The following PCDHGA2 variants were observed in gnomAD, a reference collection of about 807,000 sequenced individuals.
The protein encoded by PCDHGA2 is protocadherin gamma subfamily A, 2.
PCDHGA2 carries 40 observed loss-of-function variants against 59.2 expected under a neutral mutation model. That is an observed-to-expected ratio of 0.68 (90% confidence interval 0.52 to 0.88). The LOEUF (loss-of-function observed/expected upper bound fraction) is 0.88, where lower values mean the gene tolerates loss of function less well. Ranked by LOEUF, PCDHGA2 falls within the 40% of genes least tolerant of loss-of-function variation. The pLI is 0.00. For missense variants in PCDHGA2, 1,226 were observed against 1,204.0 expected (o/e 1.02, Z -0.27); for synonymous variants, 560 against 526.0 (o/e 1.06, Z -0.89).
At chr5:141,412,938 T>C (rs2095590973) in intron 1 of PCDHGA2, 3 of 461,786 alleles carry the variant, frequency 6.5e-6, no homozygotes, top group Admixed American at 7.7e-5. Context: ...TTCTTAGGAC[T>C]CTGAGCGCCG....
At chr5:141,445,070 A>G (rs185808898) in intron 1 of PCDHGA2, among the ~76,000 whole-genome samples, 30 of 152,306 alleles carry the variant, frequency 2.0e-4, no homozygotes, top group African/African-American at 7.2e-4. Context: ...TATATTTCTC[A>G]TTAAATTGTC....
At chr5:141,405,029 C>T in intron 1 of PCDHGA2, 1 of 1,613,976 alleles carries the variant, frequency 6.2e-7, no homozygotes, top group Non-Finnish European at 8.5e-7. Flanking sequence ...TACCCTCTAC[C>T]TCGTTGTGGC....
chr5:141,426,542 T>C, intron 1 of PCDHGA2: 1 of 347,918 alleles, frequency 2.9e-6, no homozygotes, highest in South Asian at 2.2e-5. Context: ...AACATACTTG[T>C]GAGTGACAGA....
chr5:141,388,480 C>T (rs751470350), intron 1 of PCDHGA2: 3 of 1,613,758 alleles, frequency 1.9e-6, no homozygotes, highest in Non-Finnish European at 2.5e-6. Flanking sequence ...TTGAAGACAC[C>T]TTTGGACAGA....
At chr5:141,425,069 A>C (rs771114613) in intron 1 of PCDHGA2, among the ~76,000 whole-genome samples, 30 of 152,170 alleles carry the variant, frequency 2.0e-4, no homozygotes, top group Non-Finnish European at 4.1e-4. Context: ...GACAAAAATA[A>C]TTTCAACTGT....
chr5:141,371,868 G>T (rs755178809), intron 1 of PCDHGA2: 5 of 1,613,392 alleles, frequency 3.1e-6, no homozygotes, highest in Non-Finnish European at 4.2e-6. Flanking sequence ...CTACTACATC[G>T]TGGCCAGTGA....
intron 1 of PCDHGA2, chr5:141,357,399 AGG>A: frequency 6.2e-7 from 1 of 1,614,238 alleles, no homozygotes; most frequent in Non-Finnish European, 8.5e-7. Context: ...GCAGGTTGGC[AGG>A]TGTGCCTGCC....
intron 1 of PCDHGA2, chr5:141,428,035 A>C (rs776717344): frequency 6.2e-7 from 1 of 1,607,926 alleles, no homozygotes; most frequent in Non-Finnish European, 8.5e-7. Context: ...GAGTCCGGCT[A>C]CCTGGTGACC....
At chr5:141,429,924 A>T (rs2097252885) in intron 1 of PCDHGA2, among the ~76,000 whole-genome samples, 1 of 152,210 alleles carries the variant, frequency 6.6e-6, no homozygotes, top group Admixed American at 6.5e-5. Context: ...GTATTAATAG[A>T]ATTCTGGAGT....
intron 1 of PCDHGA2, chr5:141,351,067 C>T (rs544825241): frequency 2.5e-6 from 4 of 1,614,008 alleles, no homozygotes; most frequent in East Asian, 4.5e-5. Context: ...AGGATGAGGG[C>T]ATTAATGCAG....
At chr5:141,400,203 G>C in intron 1 of PCDHGA2, 1 of 1,613,996 alleles carries the variant, frequency 6.2e-7, no homozygotes, top group Non-Finnish European at 8.5e-7. Flanking sequence ...TGGTGGCCTT[G>C]GCCTTGATCT....
intron 1 of PCDHGA2, chr5:141,479,691 C>T (rs2099503603): frequency 6.6e-6 from 1 of 152,206 alleles, no homozygotes; most frequent in Non-Finnish European, 1.5e-5. Context: ...TTTGGTGCCT[C>T]CAGTGTTAGT....
chr5:141,389,211 G>T (rs2091646577), intron 1 of PCDHGA2: 1 of 1,613,940 alleles, frequency 6.2e-7, no homozygotes, highest in Admixed American at 1.7e-5. Context: ...CATTGGTGAT[G>T]TAAATGACAA....
At chr5:141,394,096 G>C in intron 1 of PCDHGA2, 1 of 1,613,822 alleles carries the variant, frequency 6.2e-7, no homozygotes, top group African/African-American at 1.3e-5. Context: ...TCAGATCTAG[G>C]AACACCACCT....
intron 1 of PCDHGA2, chr5:141,423,638 A>G (rs771989468): frequency 2.5e-6 from 4 of 1,598,292 alleles, no homozygotes; most frequent in Non-Finnish European, 3.4e-6. Context: ...ATTTTAGGCA[A>G]ATGTGACCCG....
chr5:141,389,389 A>G, intron 1 of PCDHGA2: 1 of 1,613,668 alleles, frequency 6.2e-7, no homozygotes, highest in Non-Finnish European at 8.5e-7. Context: ...CTGTCATCCT[A>G]CGTGTCCATA....
chr5:141,389,200 A>C, intron 1 of PCDHGA2: 1 of 1,614,034 alleles, frequency 6.2e-7, no homozygotes, highest in Non-Finnish European at 8.5e-7. Context: ...ATCACCCTGC[A>C]CATTGGTGAT....
rs1183309479 is a variant in PCDHGA2 at position 141,404,628 on chromosome 5, C to G, written c.2424+63233C>G. 1.9e-6 allele frequency: 3 copies of G among 1,614,100 alleles called. No homozygotes were observed. In the South Asian group the frequency reaches 3.3e-5, roughly 18 times the overall value. Reference sequence around the variant, plus strand: ...TTTGTTTTGGACCAGAATGACAATGCCCCAGAAATCCTGTACCCTGCCCTC... The same window carrying G: ...TTTGTTTTGGACCAGAATGACAATGGCCCAGAAATCCTGTACCCTGCCCTC... On this transcript the variant is annotated intron_variant, in intron 1 of 3. Transcript: ENST00000394576.
intron 1 of PCDHGA2, chr5:141,352,481 G>C: frequency 6.2e-7 from 1 of 1,614,036 alleles, no homozygotes; most frequent in South Asian, 1.1e-5. Flanking sequence ...CAACCACAGC[G>C]AGGGGACTTT....
Sources: gnomAD v4.1 joint callset for allele counts (sites outside exome capture counted in the v4.1 genomes callset) on GRCh38, gnomAD v4.1.1 for gene constraint, MANE v1.5 for transcripts, NCBI Gene and HGNC (gene_info 2026-07-23, HGNC 2026-07-21) for gene names.